TAMM41: variants seen among roughly 807,000 people sequenced by gnomAD.
TAMM41 encodes the protein phosphatidate cytidylyltransferase, mitochondrial.
In TAMM41, 36 loss-of-function variants were observed where a neutral mutation model predicts 44.1. The ratio of observed to expected loss-of-function variants is 0.82; its 90% CI spans 0.63 to 1.08. The LOEUF (loss-of-function observed/expected upper bound fraction) is 1.08, where lower values mean the gene tolerates loss of function less well. TAMM41 is among the 50% of genes least tolerant of loss of function. The probability of loss-of-function intolerance (pLI) is 0.00; values close to 1 mark genes in which losing one functional copy is unlikely to be tolerated. For missense variants in TAMM41, 417 were observed against 404.3 expected, an observed-to-expected ratio of 1.03 and a Z score of -0.27; for synonymous variants, 164 against 153.1, an observed-to-expected ratio of 1.07 and a Z score of -0.53.
At chr3:11,723,103 A>G in the TAMM41 span, among the ~76,000 whole-genome samples, 1 of 151,986 alleles carries the variant, frequency 6.6e-6, no homozygotes, top group African/African-American at 2.4e-5. Context: ...AGCCTAGGCG[A>G]CAGAGCTGAG....
chr3:11,782,743 A>T, the TAMM41 span, among the ~76,000 whole-genome samples: 92 of 152,170 alleles, frequency 6.0e-4, no homozygotes, highest in Non-Finnish European at 1.1e-3. Flanking sequence ...GTGAAACTTT[A>T]GTTTACTCCT....
intron 3 of TAMM41, among the ~76,000 whole-genome samples, chr3:11,836,684 G>A (rs542918875): frequency 1.1e-3 from 165 of 151,952 alleles, no homozygotes; most frequent in African/African-American, 3.8e-3. Flanking sequence ...GGCTGGTCTC[G>A]AACTCCTGAC....
chr3:11,800,480 T>C (rs1237277298), intron 7 of TAMM41, among the ~76,000 whole-genome samples: 2 of 146,764 alleles, frequency 1.4e-5, no homozygotes, highest in Non-Finnish European at 3.0e-5. Flanking sequence ...AGATATTCCA[T>C]CCAAAAAGAA....
chr3:11,742,940 C>G, the TAMM41 span, among the ~76,000 whole-genome samples: 1 of 152,064 alleles, frequency 6.6e-6, no homozygotes, highest in Non-Finnish European at 1.5e-5. Flanking sequence ...GGAGCTCTCT[C>G]CCTTATAAAT....
chr3:11,801,892 A>T (rs1345559780), intron 7 of TAMM41, among the ~76,000 whole-genome samples: 1 of 152,200 alleles, frequency 6.6e-6, no homozygotes, highest in East Asian at 1.9e-4. Context: ...ACTAAATAAA[A>T]TGGAGACCAA....
At chr3:11,813,826 A>ATGTGTG (rs769715029) in intron 5 of TAMM41, among the ~76,000 whole-genome samples, 1,969 of 114,000 alleles carry the variant, frequency 0.017, 27 homozygotes, top group Non-Finnish European at 0.026. Flanking sequence ...GGGTACAAAT[A>ATGTGTG]TATGTGTGTG....
At chr3:11,767,625 C>CTTTTTTTTTTTTT in the TAMM41 span, among the ~76,000 whole-genome samples, 3 of 27,910 alleles carry the variant, frequency 1.1e-4, no homozygotes, top group African/African-American at 8.2e-4. Flanking sequence ...ACACGTTGTG[C>CTTTTTTTTTTTTT]ATTTTTTTTT....
chr3:11,784,796 C>CTTTTTTTT, the TAMM41 span, among the ~76,000 whole-genome samples: 3 of 109,032 alleles, frequency 2.8e-5, no homozygotes, highest in Non-Finnish European at 3.7e-5. Flanking sequence ...CTTTTCTTTT[C>CTTTTTTTT]TTTTTTTTTT....
the TAMM41 span, among the ~76,000 whole-genome samples, chr3:11,769,013 T>C: frequency 1.3e-5 from 2 of 152,118 alleles, no homozygotes; most frequent in African/African-American, 2.4e-5. Flanking sequence ...TGGCTGAGGA[T>C]GTGAGAGCCG....
At chr3:11,766,276 C>A in the TAMM41 span, among the ~76,000 whole-genome samples, 1 of 151,990 alleles carries the variant, frequency 6.6e-6, no homozygotes, top group African/African-American at 2.4e-5. Flanking sequence ...GTGATCCTCC[C>A]ACCTCAGACT....
chr3:11,844,469 C>A (rs537633924), intron 1 of TAMM41, among the ~76,000 whole-genome samples: 1 of 152,302 alleles, frequency 6.6e-6, no homozygotes, highest in South Asian at 2.1e-4. Flanking sequence ...GCAGTCACTC[C>A]ATTTATCCTC....
chr3:11,721,914 A>T, the TAMM41 span: 1 of 152,244 alleles, frequency 6.6e-6, no homozygotes, highest in Non-Finnish European at 1.5e-5. Context: ...TTCTGACTTA[A>T]ATCCAGTCCA....
At chr3:11,819,950 G>A (rs1242560392) in intron 4 of TAMM41, among the ~76,000 whole-genome samples, 2 of 152,002 alleles carry the variant, frequency 1.3e-5, no homozygotes, top group East Asian at 1.9e-4. Flanking sequence ...GGAGATGGAC[G>A]TGCAAAGACA....
the TAMM41 span, among the ~76,000 whole-genome samples, chr3:11,780,027 G>A: frequency 6.6e-6 from 1 of 152,018 alleles, no homozygotes; most frequent in Non-Finnish European, 1.5e-5. Flanking sequence ...ATCCTGCCCT[G>A]GACCACCATC....
At chr3:11,830,515 A>T (rs1425467038) in intron 3 of TAMM41, among the ~76,000 whole-genome samples, 1 of 152,204 alleles carries the variant, frequency 6.6e-6, no homozygotes, top group African/African-American at 2.4e-5. Flanking sequence ...TGCTTCGCTC[A>T]GAAAGAATTT....
chr3:11,779,563 GC>G, the TAMM41 span, among the ~76,000 whole-genome samples: 1 of 152,080 alleles, frequency 6.6e-6, no homozygotes, highest in African/African-American at 2.4e-5. Flanking sequence ...CTTGACCCCT[GC>G]TCTCCGTGTT....
the TAMM41 span, among the ~76,000 whole-genome samples, chr3:11,748,393 A>G: frequency 6.6e-6 from 1 of 150,620 alleles, no homozygotes; most frequent in Non-Finnish European, 1.5e-5. Flanking sequence ...AACAATTCTC[A>G]TGCTTCAGCC....
the TAMM41 span, among the ~76,000 whole-genome samples, chr3:11,769,355 A>ATTTT: frequency 7.5e-6 from 1 of 132,904 alleles, no homozygotes; most frequent in African/African-American, 2.9e-5. Context: ...CTCCCAAGAG[A>ATTTT]TTTTTTTTTT....
At chr3:11,782,936 G>GCT in the TAMM41 span, among the ~76,000 whole-genome samples, 1 of 152,174 alleles carries the variant, frequency 6.6e-6, no homozygotes, top group South Asian at 2.1e-4. Flanking sequence ...GAGGGACAGG[G>GCT]CTCAGGTAGG....
Sources: gnomAD v4.1 joint callset for allele counts (sites outside exome capture counted in the v4.1 genomes callset) on GRCh38, gnomAD v4.1.1 for gene constraint, MANE v1.5 for transcripts, NCBI Gene and HGNC (gene_info 2026-07-23, HGNC 2026-07-21) for gene names.